Variants in SPIN1 observed in about 807,000 individuals in gnomAD.
SPIN1 encodes spindlin-1.
SPIN1 carries 3 observed loss-of-function variants against 26.0 expected under a neutral mutation model. The observed-to-expected ratio is 0.12, with a 90% CI of 0.05 to 0.30. The LOEUF (loss-of-function observed/expected upper bound fraction) is 0.30, where lower values mean the gene tolerates loss of function less well. Ranked by LOEUF, SPIN1 falls within the 10% of genes least tolerant of loss-of-function variation. The pLI is 1.00. For missense variants in SPIN1, 126 were observed against 333.4 expected (o/e 0.38, Z 4.84); for synonymous variants, 101 against 116.5 (o/e 0.87, Z 0.86).
chr9:88,391,011 C>G (rs7042533), intron 1 of SPIN1, among the ~76,000 whole-genome samples: 4,060 of 152,198 alleles, frequency 0.027, 141 homozygotes, highest in African/African-American at 0.088. Flanking sequence ...CCAAACTACC[C>G]ACTGTTTTCT....
intron 1 of SPIN1, among the ~76,000 whole-genome samples, chr9:88,396,195 C>T (rs145534916): frequency 1.1e-3 from 164 of 151,638 alleles, no homozygotes; most frequent in Non-Finnish European, 2.2e-3. Context: ...GCTGAGATCG[C>T]GCCATTGCAC....
In SPIN1 at chr9:88,417,093, G is replaced by A. The variant is rs1827581717; in HGVS notation, c.-158-9289G>A. On this transcript the variant is annotated intron_variant, in intron 1 of 5. Coordinates refer to ENST00000375859, the MANE Select transcript of SPIN1 (RefSeq NM_006717.3). The stretch of plus-strand genomic sequence containing the variant: ...GACATCATGACACTTGTTAAAGTAA[G>A]GTTGTTATTCTTTGTAACTACATGC... Among the ~76,000 whole-genome samples, 3 of 152,170 alleles carry A rather than the reference G, an allele frequency of 2.0e-5. 1 individual carries two copies. The South Asian group carries it at 6.2e-4, about 32-fold the overall frequency.
At chr9:88,472,392 G>A (rs375989710) in intron 5 of SPIN1, among the ~76,000 whole-genome samples, 2 of 151,756 alleles carry the variant, frequency 1.3e-5, no homozygotes, top group African/African-American at 4.8e-5. Context: ...ATGCCACCTC[G>A]CCTAGCTCAT....
chr9:88,436,602 C>T (rs1010618701), intron 2 of SPIN1, among the ~76,000 whole-genome samples: 29 of 152,066 alleles, frequency 1.9e-4, no homozygotes, highest in African/African-American at 6.5e-4. Context: ...TCTCTCTCAC[C>T]CTTAACCCCT....
Position 88,462,838 on chromosome 9 carries a change from C to G in SPIN1, c.355+89C>G, listed in dbSNP as rs1419854168. On this transcript the variant is annotated intron_variant, in intron 4 of 5. Transcript: ENST00000375859. ...TTTATTTTACATTATTAATACTTCA[C>G]TTTTATTGGAACACAAGCACCCTTC... The G allele has an allele frequency of 5.1e-6, 7 of 1,379,332 alleles. No homozygotes were observed. The African/African-American group carries it at 8.8e-5, about 17-fold the overall frequency. The allele number at this position is 1,379,332 out of a possible 1,614,324, so 85.4% of individuals were successfully genotyped here.
chr9:88,469,327 G>A (rs1828732883), intron 5 of SPIN1, among the ~76,000 whole-genome samples: 2 of 152,116 alleles, frequency 1.3e-5, no homozygotes, highest in African/African-American at 2.4e-5. Context: ...CAGGTGTCTG[G>A]GACTCCTGAT....
chr9:88,399,468 G>C (rs1327800187), intron 1 of SPIN1, among the ~76,000 whole-genome samples: 1 of 152,180 alleles, frequency 6.6e-6, no homozygotes, highest in East Asian at 1.9e-4. Flanking sequence ...CAAGGTACAT[G>C]GAAACCATGC....
At chr9:88,411,011 AC>A (rs1233540958) in intron 1 of SPIN1, 39 of 1,572,048 alleles carry the variant, frequency 2.5e-5, no homozygotes, top group Non-Finnish European at 2.9e-5. Context: ...GTCAAAGGTT[AC>A]AAAGGCAAAG....
intron 4 of SPIN1, among the ~76,000 whole-genome samples, chr9:88,464,046 A>G (rs1828616395): frequency 6.6e-6 from 1 of 152,194 alleles, no homozygotes; most frequent in South Asian, 2.1e-4. Flanking sequence ...AAGGATAGAA[A>G]CTGTACAAGT....
chr9:88,404,817 G>A (rs1264439103), intron 1 of SPIN1, among the ~76,000 whole-genome samples: 1 of 151,528 alleles, frequency 6.6e-6, no homozygotes, highest in Non-Finnish European at 1.5e-5. Context: ...TCGGGAGGCT[G>A]AGGCAGGAGA....
intron 1 of SPIN1, among the ~76,000 whole-genome samples, chr9:88,405,885 G>C (rs1052655118): frequency 1.3e-5 from 2 of 151,822 alleles, no homozygotes; most frequent in African/African-American, 4.8e-5. Flanking sequence ...GCCAAGGCTG[G>C]AGTGCAGTGG....
intron 2 of SPIN1, among the ~76,000 whole-genome samples, chr9:88,437,551 A>G (rs60167582): frequency 0.027 from 4,053 of 152,106 alleles, 139 homozygotes; most frequent in African/African-American, 0.088. Context: ...GCTGCTATAT[A>G]TATCTGTGTG....
At chr9:88,446,497 C>G (rs1170220927) in intron 2 of SPIN1, among the ~76,000 whole-genome samples, 3 of 151,328 alleles carry the variant, frequency 2.0e-5, no homozygotes, top group Non-Finnish European at 2.9e-5. Flanking sequence ...ACCTCCGCCT[C>G]CTGGGTTCAA....
At chr9:88,393,085 T>G (rs574830167) in intron 1 of SPIN1, among the ~76,000 whole-genome samples, 2 of 151,254 alleles carry the variant, frequency 1.3e-5, no homozygotes, top group Admixed American at 6.6e-5. Flanking sequence ...ATTTAAGGCA[T>G]GGGGTATTGG....
rs560243753 is a variant in SPIN1 at position 88,438,773 on chromosome 9, C to T, written c.53-10168C>T. Among the ~76,000 whole-genome samples the T allele has an allele frequency of 1.3e-3, 204 of 152,256 alleles. 4 individuals are homozygous for T. The highest frequency in any genetic ancestry group is 1.7e-3 in the South Asian group (8 of 4,820). On this transcript the variant is annotated intron_variant, in intron 2 of 5. Coordinates refer to ENST00000375859, the MANE Select transcript of SPIN1 (RefSeq NM_006717.3). ...CATCTGAAACTTTTTGAGTAACTCA[C>T]GTGATTCCACAATTGGGTGATGAAG...
At chr9:88,421,931 T>TTA (rs1827675520) in intron 1 of SPIN1, among the ~76,000 whole-genome samples, 1 of 152,138 alleles carries the variant, frequency 6.6e-6, no homozygotes, top group African/African-American at 2.4e-5. Flanking sequence ...TTGACGAGTA[T>TTA]TTTATAAGTG....
At chr9:88,394,808 ATTTTTTTT>A (rs397952642) in intron 1 of SPIN1, among the ~76,000 whole-genome samples, 1 of 114,080 alleles carries the variant, frequency 8.8e-6, no homozygotes. Flanking sequence ...TATTTAATGT[ATTTTTTTT>A]TTTTTTTTTT....
chr9:88,474,286 C>CT lies in SPIN1; in HGVS notation c.590-784dup, dbSNP rs535986532. 7.0e-3 allele frequency among the ~76,000 whole-genome samples: 1,067 copies of CT among 152,124 alleles called. 10 individuals are homozygous for CT. The highest frequency in any genetic ancestry group is 7.9e-3 in the Non-Finnish European group (534 of 67,986). Reference sequence around the variant, plus strand: ...TATAATTGCCTAGCAAACCCCCTCTCTTTTTTTTCTTTTACTTTGTTTTTT... The same window carrying CT: ...TATAATTGCCTAGCAAACCCCCTCTCTTTTTTTTTCTTTTACTTTGTTTTTT... On this transcript the variant is annotated intron_variant, in intron 5 of 5. Coordinates refer to ENST00000375859, the MANE Select transcript of SPIN1 (RefSeq NM_006717.3).
intron 1 of SPIN1, among the ~76,000 whole-genome samples, chr9:88,403,047 A>C (rs184968093): frequency 6.6e-6 from 1 of 152,208 alleles, no homozygotes; most frequent in East Asian, 1.9e-4. Flanking sequence ...TTACCTGATG[A>C]TTACTGATGT....
Sources: allele counts gnomAD v4.1 joint callset (sites outside exome capture counted in the v4.1 genomes callset), GRCh38; gene constraint gnomAD v4.1.1; transcripts MANE v1.5; gene names NCBI Gene and HGNC (gene_info 2026-07-23, HGNC 2026-07-21).